Variants in CBX5 observed in about 807,000 individuals in gnomAD.
CBX5 encodes the protein chromobox 5.
CBX5 carries 7 observed loss-of-function variants against 20.7 expected under a neutral mutation model. The ratio of observed to expected loss-of-function variants is 0.34; its 90% confidence interval spans 0.19 to 0.63. The LOEUF is 0.63. Ranked by LOEUF, CBX5 falls within the 30% of genes least tolerant of loss-of-function variation. The pLI, the probability that CBX5 is intolerant of heterozygous loss-of-function variation, is 0.75. For missense variants in CBX5, 110 were observed against 224.1 expected (o/e 0.49, Z 3.25); for synonymous variants, 78 against 77.0 (o/e 1.01, Z -0.07).
At chr12:54,255,314 C>G (rs927573775) in intron 2 of CBX5, among the ~76,000 whole-genome samples, 7 of 151,938 alleles carry the variant, frequency 4.6e-5, no homozygotes, top group African/African-American at 1.7e-4. Context: ...AATCCCAACA[C>G]TTTGGGAGGC....
rs943321993 is a variant in CBX5 at position 54,232,586 on chromosome 12, A to C, written c.*9169T>G. ...TCAGCATCCACTCGATTCTTGTTCC[A>C]TTTCCCAGAGCATTTTACCTCTCAG... On this transcript the variant is annotated 3_prime_UTR_variant, in exon 5 of 5. Transcript: ENST00000209875. 1.3e-5 allele frequency: 2 copies of C among 152,086 alleles called. No homozygotes were observed. Among genetic ancestry groups the C allele is most frequent in the Non-Finnish European group, 2.9e-5 (2 of 68,042 alleles). The allele number at this position is 152,086 out of a possible 1,614,324, so 9.4% of individuals were successfully genotyped here. A position where few individuals can be genotyped will look rare whatever the true frequency, so the allele number is the denominator to read the frequency against.
At position 54,236,606 on chromosome 12, in the gene CBX5, T is replaced by C. The variant is rs959410594; in HGVS notation, c.*5149A>G. 1.3e-5 allele frequency: 2 copies of C among 152,218 alleles called. No individual in the cohort carries two copies. Among genetic ancestry groups the C allele is most frequent in the Non-Finnish European group, 2.9e-5 (2 of 68,032 alleles). The allele number at this position is 152,218 out of a possible 1,614,324, so 9.4% of individuals were successfully genotyped here. A position where few individuals can be genotyped will look rare whatever the true frequency, so the allele number is the denominator to read the frequency against. ...GCCACAGGCATGCTTGGTGGTCTGA[T>C]TACAAAAGTACGGATCTCAACACTA... On this transcript the variant is annotated 3_prime_UTR_variant, in exon 5 of 5. Coordinates refer to ENST00000209875, the MANE Select transcript of CBX5 (RefSeq NM_012117.3).
chr12:54,245,336 A>G (rs560273406), intron 4 of CBX5, among the ~76,000 whole-genome samples: 24 of 152,040 alleles, frequency 1.6e-4, no homozygotes, highest in African/African-American at 5.3e-4. Flanking sequence ...CCTCAAATTT[A>G]CCTTTTTTTC....
Position 54,233,483 on chromosome 12 carries a change from T to C in CBX5, c.*8272A>G, listed in dbSNP as rs576013337. ...AACACTGACTTGAGCCTTAAGAGTG[T>C]TGTGACATGATTAAACTGTCTTTTC... On this transcript the variant is annotated 3_prime_UTR_variant, in exon 5 of 5. Transcript: ENST00000209875. The C allele has an allele frequency of 9.8e-4, 149 of 152,308 alleles. No homozygotes were observed. Among genetic ancestry groups the C allele is most frequent in the African/African-American group, 3.4e-3 (142 of 41,552 alleles). The allele number at this position is 152,308 out of a possible 1,614,324, so 9.4% of individuals were successfully genotyped here.
chr12:54,271,742 T>A (rs1469632765), intron 1 of CBX5: 2 of 152,252 alleles, frequency 1.3e-5, no homozygotes, highest in African/African-American at 2.4e-5. Flanking sequence ...ACCTGGTGTT[T>A]GTTATTTGCC....
rs989085872 is a variant in CBX5 at position 54,233,224 on chromosome 12, T to C, written c.*8531A>G. 2.6e-5 allele frequency: 4 copies of C among 152,212 alleles called. No homozygotes were observed. In the East Asian group the frequency reaches 5.8e-4, roughly 22 times the overall value. 9.4% of individuals were successfully genotyped at this position (152,212 alleles called of 1,614,324 possible). On this transcript the variant is annotated 3_prime_UTR_variant, in exon 5 of 5. Coordinates refer to ENST00000209875, the MANE Select transcript of CBX5 (RefSeq NM_012117.3). ...AAAATATTCTCTGTAACTAATCATA[T>C]AGACTCTTGAATTCTTTCCTCCTGT...
At chr12:54,253,727 C>CAAAA (rs58403125) in intron 2 of CBX5, among the ~76,000 whole-genome samples, 10 of 70,880 alleles carry the variant, frequency 1.4e-4, no homozygotes, top group East Asian at 4.4e-4. Context: ...GATACCATCT[C>CAAAA]AAAAAAAAAA....
At chr12:54,277,900 G>A (rs752791832) in intron 1 of CBX5, among the ~76,000 whole-genome samples, 6 of 152,160 alleles carry the variant, frequency 3.9e-5, no homozygotes, top group Non-Finnish European at 5.9e-5. Context: ...CAGTGGCTAT[G>A]CACAGGCATA....
At chr12:54,272,199 C>T (rs1328804948) in intron 1 of CBX5, 1 of 152,182 alleles carries the variant, frequency 6.6e-6, no homozygotes, top group Non-Finnish European at 1.5e-5. Flanking sequence ...TTGCTTTATT[C>T]TAAGAAACAT....
At chr12:54,242,450 G>A (rs868077277) in intron 4 of CBX5, among the ~76,000 whole-genome samples, 16 of 150,830 alleles carry the variant, frequency 1.1e-4, no homozygotes, top group African/African-American at 2.2e-4. Context: ...GCGTGAACCC[G>A]GGAGGCGGAG....
intron 1 of CBX5, chr12:54,276,586 T>G (rs1944070416): frequency 6.6e-6 from 1 of 152,204 alleles, no homozygotes; most frequent in Non-Finnish European, 1.5e-5. Flanking sequence ...TGGCTGGGGC[T>G]GGAGATGGAA....
intron 1 of CBX5, chr12:54,274,323 G>C (rs1279039299): frequency 6.6e-6 from 1 of 152,142 alleles, no homozygotes; most frequent in Non-Finnish European, 1.5e-5. Flanking sequence ...TTAGTACAAT[G>C]ATCAGTTAAA....
At chr12:54,266,154 T>C (rs1331777700) in intron 1 of CBX5, among the ~76,000 whole-genome samples, 1 of 151,086 alleles carries the variant, frequency 6.6e-6, no homozygotes, top group Non-Finnish European at 1.5e-5. Flanking sequence ...CACCCTGTAA[T>C]CCCAGCACTT....
intron 3 of CBX5, among the ~76,000 whole-genome samples, chr12:54,246,694 T>C (rs1257560906): frequency 6.6e-6 from 1 of 151,628 alleles, no homozygotes; most frequent in East Asian, 1.9e-4. Flanking sequence ...GGCAGTAGAA[T>C]TGCTTGAACC....
intron 1 of CBX5, among the ~76,000 whole-genome samples, chr12:54,264,062 G>A (rs776707913): frequency 2.6e-5 from 4 of 152,164 alleles, no homozygotes; most frequent in Non-Finnish European, 5.9e-5. Context: ...AGAGGTAATG[G>A]TTAGCCCTCA....
chr12:54,253,399 A>T (rs1381051318), intron 2 of CBX5, among the ~76,000 whole-genome samples: 1 of 151,932 alleles, frequency 6.6e-6, no homozygotes, highest in Non-Finnish European at 1.5e-5. Context: ...TGGGCAACAG[A>T]CTGAGACTCT....
chr12:54,275,310 T>A (rs895461132), intron 1 of CBX5, among the ~76,000 whole-genome samples: 7 of 152,028 alleles, frequency 4.6e-5, no homozygotes, highest in African/African-American at 1.7e-4. Context: ...TGGTGCAATC[T>A]CGGCTCACTG....
Position 54,267,993 on chromosome 12 carries a change from C to A in CBX5, c.-42-10301G>T, listed in dbSNP as rs111547931. ...ACCCCATCTCTACCAAAAATACAAA[C>A]ATTAGTCAGGCGTGGTGGTGGGCGC... On this transcript the variant is annotated intron_variant, in intron 1 of 4. Transcript: ENST00000209875. 6.3e-3 allele frequency among the ~76,000 whole-genome samples: 953 copies of A among 152,138 alleles called. 11 individuals carry two copies. The highest frequency in any genetic ancestry group is 0.03 in the East Asian group (153 of 5,160).
intron 1 of CBX5, among the ~76,000 whole-genome samples, chr12:54,265,503 C>T (rs1185246925): frequency 1.3e-5 from 2 of 152,202 alleles, no homozygotes; most frequent in African/African-American, 4.8e-5. Flanking sequence ...GGGCTGATAA[C>T]TATCACTCCA....
Sources: allele counts gnomAD v4.1 joint callset (sites outside exome capture counted in the v4.1 genomes callset), GRCh38; gene constraint gnomAD v4.1.1; transcripts MANE v1.5; gene names NCBI Gene and HGNC (gene_info 2026-07-23, HGNC 2026-07-21).